The following MRPL47 variants were observed in gnomAD, a reference collection of about 807,000 sequenced individuals.
MRPL47 encodes mitochondrial ribosomal protein L47.
Under a neutral mutation model 34.0 loss-of-function variants are expected in MRPL47, and 31 were observed. The ratio of observed to expected loss-of-function variants is 0.91; its 90% CI spans 0.68 to 1.23. MRPL47 has a LOEUF of 1.23. Ranked by LOEUF, MRPL47 falls within the 50% of genes most tolerant of loss-of-function variation. The pLI is 0.00. For synonymous variants in MRPL47, 106 were observed against 101.6 expected (o/e 1.04, Z -0.26); for missense variants, 328 against 285.8 (o/e 1.15, Z -1.07).
chr3:179,589,041 TTGTTATTC>T, intron 6 of MRPL47, 46 bp from the exon 7 acceptor site: 4 of 1,565,374 alleles, frequency 2.6e-6, no homozygotes, highest in African/African-American at 1.4e-5. Flanking sequence ...AAATATTTCC[TTGTTATTC>T]AATACTATCA....
intron 4 of MRPL47, among the ~76,000 whole-genome samples, chr3:179,597,689 T>G (rs529285313): frequency 5.4e-4 from 82 of 152,240 alleles, no homozygotes; most frequent in African/African-American, 1.9e-3. Context: ...GTGCCTGTGG[T>G]CTCAGCTACT....
chr3:179,604,438 T>A (rs1479433765), intron 1 of MRPL47, 89 bp downstream of exon 1: 5 of 1,331,698 alleles, frequency 3.8e-6, no homozygotes, highest in Non-Finnish European at 1.1e-6. Flanking sequence ...CGTTCCATTC[T>A]TGAGTTGTTC....
At position 179,588,304 on chromosome 3, in the gene MRPL47, G is replaced by A. The variant is rs748838860; in HGVS notation, c.*568C>T. 7.3e-6 allele frequency: 2 copies of A among 273,198 alleles called. No homozygotes were observed. Among genetic ancestry groups the A allele is most frequent in the Non-Finnish European group, 1.3e-5 (2 of 148,446 alleles). 16.9% of individuals were successfully genotyped at this position (273,198 alleles called of 1,614,324 possible). The stretch of plus-strand genomic sequence containing the variant: ...ACTCTGTTTAGTGTATTAATTACCA[G>A]TGGATTGGTAGAACTGCTTTTTATT... On this transcript the variant is annotated 3_prime_UTR_variant, in exon 7 of 7. Coordinates refer to ENST00000476781, the MANE Select transcript of MRPL47 (RefSeq NM_020409.3).
At chr3:179,603,302 C>A (rs1197799714) in intron 1 of MRPL47, among the ~76,000 whole-genome samples, 1 of 151,810 alleles carries the variant, frequency 6.6e-6, no homozygotes, top group Admixed American at 6.6e-5. Context: ...TTTGGAAGGC[C>A]GAGGTGGGAG....
intron 4 of MRPL47, among the ~76,000 whole-genome samples, chr3:179,596,238 C>T (rs1209105544): frequency 6.6e-6 from 1 of 152,218 alleles, no homozygotes; most frequent in African/African-American, 2.4e-5. Flanking sequence ...TATCAACTCA[C>T]ATCAGTGATA....
intron 1 of MRPL47, among the ~76,000 whole-genome samples, chr3:179,604,252 T>C (rs1040058727): frequency 6.6e-6 from 1 of 152,226 alleles, no homozygotes; most frequent in Admixed American, 6.5e-5. Context: ...GATGCTTCTG[T>C]ACTTATAGAT....
chr3:179,592,812 A>C, intron 5 of MRPL47, 73 bp from the exon 6 acceptor site: 1 of 915,490 alleles, frequency 1.1e-6, no homozygotes, highest in Non-Finnish European at 1.8e-6. Context: ...AATTTACCTC[A>C]AAAGGGTTAG....
At chr3:179,591,841 T>C (rs1310063206) in intron 6 of MRPL47, among the ~76,000 whole-genome samples, 1 of 152,136 alleles carries the variant, frequency 6.6e-6, no homozygotes, top group Non-Finnish European at 1.5e-5. Context: ...CTTTTTTTTT[T>C]CTGTTTTTTG....
At chr3:179,602,411 T>C (rs180708090) in intron 2 of MRPL47, among the ~76,000 whole-genome samples, 1 of 152,266 alleles carries the variant, frequency 6.6e-6, no homozygotes, top group African/African-American at 2.4e-5. Flanking sequence ...TAAACCTTAC[T>C]TTAGTTAATA....
chr3:179,595,199 CCA>C (rs1718766258), intron 4 of MRPL47, among the ~76,000 whole-genome samples: 1 of 152,136 alleles, frequency 6.6e-6, no homozygotes, highest in Non-Finnish European at 1.5e-5. Context: ...GCATGCACCA[CCA>C]CACCCGACTA....
intron 5 of MRPL47, among the ~76,000 whole-genome samples, chr3:179,593,446 T>C (rs913510234): frequency 2.0e-5 from 3 of 152,228 alleles, no homozygotes; most frequent in Non-Finnish European, 2.9e-5. Flanking sequence ...TACATTTTTC[T>C]GAGGAAACGA....
chr3:179,601,641 A>T (rs888948012), intron 3 of MRPL47, 89 bp downstream of exon 3: 4 of 806,674 alleles, frequency 5.0e-6, no homozygotes, highest in Non-Finnish European at 8.4e-6. Flanking sequence ...GCTTTACTCA[A>T]TTTCTTATAT....
chr3:179,592,471 G>A (rs1560017922), intron 6 of MRPL47, among the ~76,000 whole-genome samples, 173 bp downstream of exon 6: 1 of 152,146 alleles, frequency 6.6e-6, no homozygotes, highest in Non-Finnish European at 1.5e-5. Context: ...TGGGATTACA[G>A]GTGTGAGCCA....
intron 4 of MRPL47, among the ~76,000 whole-genome samples, chr3:179,598,429 C>CACACACACACACACA (rs370530062): frequency 8.4e-6 from 1 of 118,828 alleles, no homozygotes. Context: ...CACACACAAA[C>CACACACACACACACA]AAAAAAAAAA....
At chr3:179,597,919 A>AT (rs1718825917) in intron 4 of MRPL47, among the ~76,000 whole-genome samples, 1 of 152,226 alleles carries the variant, frequency 6.6e-6, no homozygotes, top group Non-Finnish European at 1.5e-5. Flanking sequence ...ATGTTATGTG[A>AT]TTTTTACCAC....
At chr3:179,590,300 C>G (rs1718643765) in intron 6 of MRPL47, among the ~76,000 whole-genome samples, 1 of 151,454 alleles carries the variant, frequency 6.6e-6, no homozygotes. Context: ...GATCGCACCA[C>G]TGCACTCTAG....
intron 6 of MRPL47, among the ~76,000 whole-genome samples, chr3:179,590,771 G>A (rs1718656806): frequency 6.6e-6 from 1 of 151,988 alleles, no homozygotes; most frequent in East Asian, 1.9e-4. Flanking sequence ...CAAGAAGTTC[G>A]GTAATTCAAT....
Position 179,589,915 on chromosome 3 carries a change from CTTAATA to C in MRPL47, c.630-926_630-921del, listed in dbSNP as rs572216361. 3.6e-3 allele frequency among the ~76,000 whole-genome samples: 547 copies of C among 152,242 alleles called. 6 individuals are homozygous for C. Among genetic ancestry groups the C allele is most frequent in the South Asian group, 0.016 (76 of 4,824 alleles). ...TCTGAAAGAATAAAGGTTTGCTATT[CTTAATA>C]TTAAGATGATGATGCTACATTCTGA... On this transcript the variant is annotated intron_variant, in intron 6 of 6. Transcript: ENST00000476781.
intron 5 of MRPL47, 72 bp from the exon 6 acceptor site, chr3:179,592,811 C>T: frequency 3.3e-6 from 3 of 918,134 alleles, no homozygotes; most frequent in Non-Finnish European, 3.5e-6. Flanking sequence ...TAATTTACCT[C>T]AAAAGGGTTA....
Sources: allele counts gnomAD v4.1 joint callset (sites outside exome capture counted in the v4.1 genomes callset), GRCh38; gene constraint gnomAD v4.1.1; transcripts MANE v1.5; gene names NCBI Gene and HGNC (gene_info 2026-07-23, HGNC 2026-07-21).